AOX1: variants seen among roughly 807,000 people sequenced by gnomAD.
The protein encoded by AOX1 is aldehyde oxidase.
A neutral mutation model predicts 169.5 loss-of-function variants in AOX1; 153 were observed. That is an observed-to-expected ratio of 0.90 (90% CI 0.79 to 1.03). AOX1 has a LOEUF of 1.03. Ranked by LOEUF, AOX1 falls within the 50% of genes least tolerant of loss-of-function variation. The pLI, the probability that AOX1 is intolerant of heterozygous loss-of-function variation, is 0.00. For missense variants in AOX1, 1,656 were observed against 1,663.9 expected (o/e 1.00, Z 0.08); for synonymous variants, 562 against 581.9 (o/e 0.97, Z 0.49).
At chr2:200,671,740 T>C (rs2715906), downstream of AOX1, among the ~76,000 whole-genome samples, 79,202 of 151,862 alleles carry the variant, frequency 0.52, 20,728 homozygotes, top group South Asian at 0.57. Context: ...CTGTGGAAAA[T>C]AGTTTAGCAT....
At chr2:200,604,975 G>C in intron 9 of AOX1, 135 bp downstream of exon 9, 6 of 774,120 alleles carry the variant, frequency 7.8e-6, no homozygotes, top group Non-Finnish European at 1.2e-5. Flanking sequence ...TTAATCATTT[G>C]AGCTAGACTT....
intron 4 of AOX1, among the ~76,000 whole-genome samples, chr2:200,599,372 G>C (rs2465664): frequency 0.35 from 53,824 of 151,882 alleles, 9,631 homozygotes; most frequent in East Asian, 0.44. Flanking sequence ...TCTTAACACT[G>C]TCCGGGTGAT....
chr2:200,647,435 G>C (rs1039070137), intron 25 of AOX1, among the ~76,000 whole-genome samples: 12 of 152,272 alleles, frequency 7.9e-5, no homozygotes, highest in African/African-American at 2.6e-4. Context: ...CTAGCTTGTA[G>C]GGTTTCTGCT....
At chr2:200,625,170 TTTCAAA>T (rs1435192286) in intron 19 of AOX1, among the ~76,000 whole-genome samples, 1 of 152,148 alleles carries the variant, frequency 6.6e-6, no homozygotes, top group African/African-American at 2.4e-5. Flanking sequence ...TCCTGGCCAG[TTTCAAA>T]TTCAAACACT....
chr2:200,672,644 G>A (rs1278575005), downstream of AOX1, among the ~76,000 whole-genome samples: 1 of 152,174 alleles, frequency 6.6e-6, no homozygotes, highest in African/African-American at 2.4e-5. Context: ...AGGGCAGGCA[G>A]AAAAATTTTA....
intron 23 of AOX1, among the ~76,000 whole-genome samples, chr2:200,639,898 A>T (rs186157850): frequency 6.6e-6 from 1 of 151,918 alleles, no homozygotes; most frequent in Non-Finnish European, 1.5e-5. Flanking sequence ...TTAGCCGGGC[A>T]TGGTGGCAGG....
chr2:200,668,305 C>T (rs1348186386), intron 32 of AOX1, among the ~76,000 whole-genome samples: 1 of 151,938 alleles, frequency 6.6e-6, no homozygotes, highest in Non-Finnish European at 1.5e-5. Context: ...GACGGGATTT[C>T]TCTATGTTAG....
chr2:200,676,333 C>T (rs988821871), downstream of AOX1, among the ~76,000 whole-genome samples: 1 of 152,120 alleles, frequency 6.6e-6, no homozygotes, highest in Admixed American at 6.5e-5. Context: ...GGTGCAGTGA[C>T]TCATGCCTGT....
intron 33 of AOX1, 151 bp downstream of exon 33, chr2:200,668,954 T>C (rs1478658745): frequency 1.0e-5 from 7 of 675,818 alleles, no homozygotes; most frequent in Non-Finnish European, 1.7e-5. Context: ...TCTAACATTA[T>C]GATAAAAATT....
chr2:200,586,025 C>T lies in AOX1; in HGVS notation c.-84C>T. ...GCAAGCCCCGCCCCACTCGGCGGGT[C>T]GGTGCCGCCGGGTCCCAGGTGCCCG... is the stretch of plus-strand genomic sequence containing the variant. On this transcript the variant is annotated 5_prime_UTR_variant, in exon 1 of 35. Coordinates refer to ENST00000374700, the MANE Select transcript of AOX1 (RefSeq NM_001159.4). 6.7e-7 allele frequency: 1 copy of T among 1,485,168 alleles called. No homozygotes were observed. Among genetic ancestry groups the T allele is most frequent in the Non-Finnish European group, 9.1e-7 (1 of 1,095,274 alleles). 92.0% of individuals were successfully genotyped at this position (1,485,168 alleles called of 1,614,324 possible). A position where few individuals can be genotyped will look rare whatever the true frequency, so the allele number is the denominator to read the frequency against.
At chr2:200,618,370 G>T (rs1574926518) in intron 16 of AOX1, among the ~76,000 whole-genome samples, 1 of 152,080 alleles carries the variant, frequency 6.6e-6, no homozygotes, top group Non-Finnish European at 1.5e-5. Flanking sequence ...TGTTTATTTT[G>T]CAGCAAAACA....
At chr2:200,634,952 TGATTTCTG>T (rs2035201833) in intron 21 of AOX1, 37 bp downstream of exon 21, 1 of 1,605,406 alleles carries the variant, frequency 6.2e-7, no homozygotes, top group African/African-American at 1.3e-5. Flanking sequence ...CATGGCTAAA[TGATTTCTG>T]GCCAGTGAAA....
At chr2:200,657,188 A>ATTTTTTTTTTT (rs1309414882) in intron 27 of AOX1, among the ~76,000 whole-genome samples, 39 of 68,556 alleles carry the variant, frequency 5.7e-4, no homozygotes, top group African/African-American at 2.7e-3. Flanking sequence ...ATATATATAT[A>ATTTTTTTTTTT]TATTTTTTTT....
intron 15 of AOX1, among the ~76,000 whole-genome samples, 191 bp from the exon 16 acceptor site, chr2:200,615,780 G>T (rs2034742542): frequency 6.6e-6 from 1 of 152,170 alleles, no homozygotes; most frequent in African/African-American, 2.4e-5. Flanking sequence ...AAATATGTAT[G>T]CACCTTTCAG....
In AOX1 at chr2:200,601,857, C is replaced by T. The variant is rs565455537; in HGVS notation, c.437-427C>T. Among the ~76,000 whole-genome samples, 4 of 152,046 alleles carry T rather than the reference C, an allele frequency of 2.6e-5. No individual in the cohort carries two copies. In the South Asian group the frequency reaches 8.3e-4, roughly 32 times the overall value. On this transcript the variant is annotated intron_variant, in intron 5 of 34. Transcript: ENST00000374700. Reference sequence around the variant, plus strand: ...CTGAGGCAGGAGAATTGCTTGAACCCGGAAGGTGGAAGTTGCAATGAGCTG... The same window carrying T: ...CTGAGGCAGGAGAATTGCTTGAACCTGGAAGGTGGAAGTTGCAATGAGCTG...
At chr2:200,653,104 C>T (rs1002064841) in intron 26 of AOX1, among the ~76,000 whole-genome samples, 2 of 152,166 alleles carry the variant, frequency 1.3e-5, no homozygotes, top group Non-Finnish European at 2.9e-5. Context: ...GAACTCAGGC[C>T]TGAGTGGCTC....
intron 26 of AOX1, among the ~76,000 whole-genome samples, chr2:200,654,204 C>T (rs978032253): frequency 4.8e-5 from 4 of 83,908 alleles, no homozygotes; most frequent in Non-Finnish European, 7.2e-5. Flanking sequence ...GAGACCCTGT[C>T]TCAAAAAAAA....
chr2:200,648,068 C>A (rs1354293232), intron 25 of AOX1, among the ~76,000 whole-genome samples: 1 of 152,152 alleles, frequency 6.6e-6, no homozygotes. Flanking sequence ...TAATAACTAA[C>A]CTCCTGAATT....
downstream of AOX1, among the ~76,000 whole-genome samples, chr2:200,673,537 A>G (rs1287365722): frequency 1.3e-5 from 2 of 151,922 alleles, no homozygotes; most frequent in Non-Finnish European, 2.9e-5. Context: ...AGCCACCTTC[A>G]TTTCTCCCCT....
Sources: gnomAD v4.1 joint callset for allele counts (sites outside exome capture counted in the v4.1 genomes callset) on GRCh38, gnomAD v4.1.1 for gene constraint, MANE v1.5 for transcripts, NCBI Gene and HGNC (gene_info 2026-07-23, HGNC 2026-07-21) for gene names.